The following TIMELESS variants were observed in gnomAD, a reference collection of about 807,000 sequenced individuals.
The protein encoded by TIMELESS is protein timeless homolog.
A neutral mutation model predicts 164.3 loss-of-function variants in TIMELESS; 124 were observed. The observed-to-expected ratio is 0.75, with a 90% confidence interval of 0.65 to 0.88. TIMELESS has a LOEUF of 0.88. Among genes scored for constraint, TIMELESS ranks in the 40% least tolerant of loss-of-function variants. The probability of loss-of-function intolerance (pLI) is 0.00; values close to 1 mark genes in which losing one functional copy is unlikely to be tolerated. For missense variants in TIMELESS, 1,422 were observed against 1,491.4 expected (o/e 0.95, Z 0.77); for synonymous variants, 564 against 563.4 (o/e 1.00, Z -0.02).
At chr12:56,432,998 A>T in intron 6 of TIMELESS, 28 bp downstream of exon 6, 1 of 1,529,124 alleles carries the variant, frequency 6.5e-7, no homozygotes, top group Non-Finnish European at 9.0e-7. Flanking sequence ...AACCATGCAC[A>T]AGAACACAGA....
intron 28 of TIMELESS, 53 bp from the exon 29 acceptor site, chr12:56,417,839 G>T: frequency 1.2e-6 from 2 of 1,613,420 alleles, no homozygotes; most frequent in Non-Finnish European, 8.5e-7. Context: ...TATGTTAAGG[G>T]GTAAGGACGT....
At chr12:56,429,661 C>T (rs901278699) in intron 10 of TIMELESS, among the ~76,000 whole-genome samples, 6 of 122,068 alleles carry the variant, frequency 4.9e-5, no homozygotes, top group African/African-American at 6.1e-5. Context: ...ACCACCATGC[C>T]GGCTAATTTT....
intron 1 of TIMELESS, among the ~76,000 whole-genome samples, chr12:56,439,093 G>A (rs560217108): frequency 7.7e-5 from 11 of 143,230 alleles, no homozygotes; most frequent in African/African-American, 2.5e-4. Flanking sequence ...TTGAGCCCTG[G>A]AGGTGGAGGT....
intron 1 of TIMELESS, among the ~76,000 whole-genome samples, chr12:56,438,981 T>C (rs1882162546): frequency 6.7e-6 from 1 of 150,284 alleles, no homozygotes; most frequent in South Asian, 2.1e-4. Context: ...CTGGCCAACA[T>C]GGTGAAACCC....
chr12:56,439,474 T>C (rs1287446074), intron 1 of TIMELESS, among the ~76,000 whole-genome samples: 2 of 151,610 alleles, frequency 1.3e-5, no homozygotes, highest in Admixed American at 6.6e-5. Flanking sequence ...TGACTCGCTA[T>C]AGCCTCAACT....
chr12:56,429,685 AT>A (rs1193861112), intron 10 of TIMELESS, among the ~76,000 whole-genome samples: 89 of 101,678 alleles, frequency 8.8e-4, no homozygotes, highest in East Asian at 1.1e-3. Flanking sequence ...TTTTTTTTGT[AT>A]TTTTTTTTTT....
chr12:56,426,194 GCA>G (rs1008569619), intron 13 of TIMELESS, among the ~76,000 whole-genome samples: 1 of 152,144 alleles, frequency 6.6e-6, no homozygotes, highest in African/African-American at 2.4e-5. Flanking sequence ...GAAAACGTCA[GCA>G]CAGTGTCTGA....
chr12:56,433,580 G>A lies in TIMELESS; in HGVS notation c.324C>T (p.His108=). ...GNLPKEPSFR[H]HFLQVLTYLQ... ...AATAAGTTAGCACCTGCAAAAAATG[G>A]TGCCGAAAGCTGGGCTCCTTAGGCA... is the stretch of plus-strand genomic sequence containing the variant. Residue 108 remains histidine, a synonymous_variant, in exon 4 of 29, where the codon CAC becomes CAT. Transcript: ENST00000553532. 3 of 1,614,196 alleles carry A rather than the reference G, an allele frequency of 1.9e-6. No homozygotes were observed. Among genetic ancestry groups the A allele is most frequent in the Non-Finnish European group, 2.5e-6 (3 of 1,180,036 alleles).
Position 56,429,492 on chromosome 12 carries a change from C to T in TIMELESS, c.1087-392G>A, listed in dbSNP as rs558943289. On this transcript the variant is annotated intron_variant, in intron 10 of 28. Transcript: ENST00000553532. The stretch of plus-strand genomic sequence containing the variant: ...GTATTACAGGCGTGAGCCACTGCGC[C>T]TGGTCTTTTTTTTTTTTTTTTTTTT... Among the ~76,000 whole-genome samples the T allele has an allele frequency of 6.4e-5, 9 of 139,652 alleles. No individual in the cohort carries two copies. In the Admixed American group the frequency reaches 7.2e-4, roughly 11 times the overall value. 91.6% of individuals were successfully genotyped at this position (139,652 alleles called of 152,430 possible).
At chr12:56,419,377 T>C (rs1051428153) in intron 26 of TIMELESS, among the ~76,000 whole-genome samples, 2 of 151,992 alleles carry the variant, frequency 1.3e-5, no homozygotes, top group African/African-American at 4.8e-5. Flanking sequence ...GTTGAAAGAA[T>C]GACAAGGACT....
chr12:56,430,187 GC>G lies in TIMELESS; in HGVS notation c.1003del (p.Ala335ProfsTer4). On this transcript the variant is annotated frameshift_variant, in exon 10 of 29. Coordinates refer to ENST00000553532, the MANE Select transcript of TIMELESS (RefSeq NM_003920.5). LOFTEE classifies it high-confidence loss of function. ...TCTGAGGAAGAGCCTCACATTGAGG[GC>G]AGAACGGCGCTGAATGGACAGCTCT... ...ARELSIQRRS[A>X]LNVRLFLRDF... 6.2e-7 allele frequency: 1 copy of G among 1,614,108 alleles called. No homozygotes were observed. The highest frequency in any genetic ancestry group is 1.1e-5 in the South Asian group (1 of 91,072).
At chr12:56,447,569 C>G (rs1868379931) in intron 1 of TIMELESS, among the ~76,000 whole-genome samples, 1 of 152,124 alleles carries the variant, frequency 6.6e-6, no homozygotes, top group African/African-American at 2.4e-5. Flanking sequence ...ACTGTAACCA[C>G]AGAAGACTCA....
chr12:56,423,189 C>T (rs1318637171), intron 18 of TIMELESS, 85 bp downstream of exon 18: 11 of 1,528,954 alleles, frequency 7.2e-6, no homozygotes, highest in Admixed American at 1.9e-5. Context: ...TGACACCTCT[C>T]AGCACCTTCT....
chr12:56,430,313 T>C (rs1881833899), intron 9 of TIMELESS, 32 bp from the exon 10 acceptor site: 1 of 1,580,718 alleles, frequency 6.3e-7, no homozygotes. Flanking sequence ...TTAGAATTAC[T>C]CCTAAATACC....
chr12:56,421,536 A>G (rs1450310766), intron 22 of TIMELESS, 43 bp from the exon 23 acceptor site: 2 of 1,587,108 alleles, frequency 1.3e-6, no homozygotes, highest in Non-Finnish European at 1.7e-6. Flanking sequence ...TAACAGGGAA[A>G]GAGATGAGTA....
At chr12:56,424,982 C>G (rs777138506) in intron 14 of TIMELESS, 33 bp downstream of exon 14, 1 of 1,613,666 alleles carries the variant, frequency 6.2e-7, no homozygotes, top group Non-Finnish European at 8.5e-7. Flanking sequence ...GAGCACTATT[C>G]TCAAAAAAGA....
At chr12:56,438,505 C>G (rs1882143216) in intron 1 of TIMELESS, among the ~76,000 whole-genome samples, 1 of 151,958 alleles carries the variant, frequency 6.6e-6, no homozygotes, top group African/African-American at 2.4e-5. Flanking sequence ...GGTTCAGTGG[C>G]TCACGCCTGA....
intron 23 of TIMELESS, 67 bp downstream of exon 23, chr12:56,421,284 G>A: frequency 6.3e-7 from 1 of 1,587,060 alleles, no homozygotes; most frequent in Non-Finnish European, 8.6e-7. Flanking sequence ...AATCCAGGTG[G>A]ACTGCTCCTA....
At position 56,425,441 on chromosome 12, in the gene TIMELESS, A is replaced by G. The variant is rs945490030; in HGVS notation, c.1579-289T>C. The stretch of plus-strand genomic sequence containing the variant: ...GGCAAAACTCCTGACCCATTTCCTG[A>G]GTTCAGAGGTTTGCCAAAAGCAGTG... On this transcript the variant is annotated intron_variant, in intron 13 of 28. Coordinates refer to ENST00000553532, the MANE Select transcript of TIMELESS (RefSeq NM_003920.5). Among the ~76,000 whole-genome samples the G allele has an allele frequency of 2.0e-5, 3 of 152,242 alleles. No individual in the cohort carries two copies. The South Asian group carries it at 6.2e-4, about 32-fold the overall frequency.
Sources: allele counts gnomAD v4.1 joint callset (sites outside exome capture counted in the v4.1 genomes callset), GRCh38; gene constraint gnomAD v4.1.1; transcripts MANE v1.5; gene names NCBI Gene and HGNC (gene_info 2026-07-23, HGNC 2026-07-21).